CASK: variants seen among roughly 807,000 people sequenced by gnomAD.
The protein encoded by CASK is peripheral plasma membrane protein CASK.
CASK carries 4 observed loss-of-function variants against 82.9 expected under a neutral mutation model. That is an observed-to-expected ratio of 0.05 (90% confidence interval 0.02 to 0.11). The LOEUF is 0.11. Among genes scored for constraint, CASK ranks in the 10% least tolerant of loss-of-function variants. The pLI is 1.00. For missense variants in CASK, 358 were observed against 720.9 expected, an observed-to-expected ratio of 0.50 and a Z score of 5.76; for synonymous variants, 259 against 253.5, an observed-to-expected ratio of 1.02 and a Z score of -0.20.
chrX:41,741,859 A>G (rs373477142), intron 4 of CASK, among the ~76,000 whole-genome samples: 4 of 112,222 alleles, frequency 3.6e-5, no homozygotes, highest in South Asian at 3.7e-4. Flanking sequence ...GAAGCATCAT[A>G]GAGACCTGTG....
At chrX:41,612,311 C>T (rs1236956978) in intron 11 of CASK, among the ~76,000 whole-genome samples, 2 of 110,171 alleles carry the variant, frequency 1.8e-5, no homozygotes, top group Admixed American at 9.5e-5. Flanking sequence ...TCTGCCCCGC[C>T]GCCCCGTCTG....
chrX:41,594,037 A>G (rs1360345777), intron 12 of CASK, among the ~76,000 whole-genome samples: 4 of 111,684 alleles, frequency 3.6e-5, no homozygotes, highest in African/African-American at 1.3e-4. Context: ...CCCACCCCCC[A>G]TTCTATCATA....
At chrX:41,809,854 G>T (rs1004769983) in intron 2 of CASK, among the ~76,000 whole-genome samples, 5 of 111,457 alleles carry the variant, frequency 4.5e-5, no homozygotes, top group Admixed American at 1.9e-4. Flanking sequence ...AAGATGAGAC[G>T]AATGGCTAAC....
intron 21 of CASK, among the ~76,000 whole-genome samples, chrX:41,545,027 G>C (rs1602239754): frequency 9.4e-6 from 1 of 106,892 alleles, no homozygotes; most frequent in African/African-American, 3.4e-5. Flanking sequence ...TAGTACTGCT[G>C]TTTTTTTTTT....
At chrX:41,577,316 T>C (rs1256898320) in intron 15 of CASK, among the ~76,000 whole-genome samples, 1 of 112,079 alleles carries the variant, frequency 8.9e-6, no homozygotes, top group Non-Finnish European at 1.9e-5. Flanking sequence ...TCTTTCCATC[T>C]TGACATCCAT....
chrX:41,840,225 T>G (rs759161336), intron 2 of CASK, among the ~76,000 whole-genome samples: 1 of 112,068 alleles, frequency 8.9e-6, no homozygotes, highest in Non-Finnish European at 1.9e-5. Context: ...GTGGAGTATC[T>G]ATTTATTTAG....
intron 5 of CASK, among the ~76,000 whole-genome samples, chrX:41,679,838 T>C (rs2067321594): frequency 1.8e-5 from 2 of 111,869 alleles, no homozygotes; most frequent in Admixed American, 9.5e-5. Flanking sequence ...GCTTGTCATG[T>C]CCATTTCTTG....
intron 8 of CASK, among the ~76,000 whole-genome samples, chrX:41,655,787 C>A (rs751945130): frequency 9.0e-6 from 1 of 111,518 alleles, no homozygotes; most frequent in South Asian, 3.8e-4. Flanking sequence ...TGGAAGGATG[C>A]CACTCTTGAT....
In CASK at chrX:41,609,953, T is replaced by C; in HGVS notation, c.1106A>G (p.Asp369Gly). The change falls in exon 12 of 27, where the codon GAT (aspartate) becomes GGT (glycine). Residue 369 changes from aspartate to glycine, a missense_variant. Physicochemically the swap from Asp to Gly is moderately conservative, Grantham distance 94. This residue lies in a region of CASK where 110 missense variants were observed against 218.8 expected (regional missense o/e 0.50). Coordinates refer to ENST00000378163, the MANE Select transcript of CASK (RefSeq NM_001367721.1). ...ALTDCSEKDL[D>G]FLHSVFQDQH... ...ATCCTGGAAAACACTGTGTAGAAAA[T>C]CTAGGTCCTTTTCACTGCAGTCTGT... is the stretch of plus-strand genomic sequence containing the variant. 1 of 1,207,403 alleles carries C rather than the reference T, an allele frequency of 8.3e-7. No homozygotes were observed. The highest frequency in any genetic ancestry group is 1.1e-6 in the Non-Finnish European group (1 of 891,564).
intron 2 of CASK, among the ~76,000 whole-genome samples, chrX:41,848,748 C>G (rs1000184283): frequency 3.6e-5 from 4 of 112,032 alleles, no homozygotes; most frequent in Non-Finnish European, 7.5e-5. Flanking sequence ...CATCCCCATT[C>G]AGCCTCCTTT....
intron 11 of CASK, among the ~76,000 whole-genome samples, chrX:41,612,737 G>A (rs1396121294): frequency 1.2e-5 from 1 of 80,709 alleles, no homozygotes; most frequent in African/African-American, 4.6e-5. Context: ...CAGCCACCCC[G>A]TCCGGGAGGG....
chrX:41,636,670 G>A lies in CASK; in HGVS notation c.832-9C>T, dbSNP rs1416743352. On this transcript the variant is annotated splice_polypyrimidine_tract_variant and intron_variant, in intron 8 of 26. Coordinates refer to ENST00000378163, the MANE Select transcript of CASK (RefSeq NM_001367721.1). The stretch of plus-strand genomic sequence containing the variant: ...GCGTAACGATCCCGCTCCTATGTAA[G>A]ATGAAAGATAATGAACATATATAAC... The A allele has an allele frequency of 9.0e-7, 1 of 1,107,107 alleles. No homozygotes were observed. Among genetic ancestry groups the A allele is most frequent in the South Asian group, 1.8e-5 (1 of 54,575 alleles). The allele number at this position is 1,107,107 out of a possible 1,213,427, so 91.2% of individuals were successfully genotyped here. A position where few individuals can be genotyped will look rare whatever the true frequency, so the allele number is the denominator to read the frequency against.
intron 12 of CASK, among the ~76,000 whole-genome samples, chrX:41,609,674 C>T (rs916981266): frequency 7.3e-5 from 8 of 109,176 alleles, no homozygotes; most frequent in Non-Finnish European, 3.8e-5. Context: ...CCTCCGCCTC[C>T]TCAGCTCAGT....
chrX:41,903,886 T>C (rs1341898249), intron 1 of CASK, among the ~76,000 whole-genome samples: 2 of 112,333 alleles, frequency 1.8e-5, no homozygotes, highest in Non-Finnish European at 3.8e-5. Flanking sequence ...TATTGAGATA[T>C]AATTCATACC....
At chrX:41,790,315 C>T in intron 2 of CASK, 1 of 371,838 alleles carries the variant, frequency 2.7e-6, no homozygotes, top group Non-Finnish European at 4.1e-6. Flanking sequence ...GATCCACCCT[C>T]CTCGGCCTCT....
intron 1 of CASK, among the ~76,000 whole-genome samples, chrX:41,876,064 G>T (rs986487055): frequency 9.0e-6 from 1 of 111,618 alleles, no homozygotes; most frequent in African/African-American, 3.3e-5. Context: ...AGGATTATCT[G>T]TTCACATGTC....
chrX:41,840,125 C>T (rs1186965108), intron 2 of CASK, among the ~76,000 whole-genome samples: 5 of 111,893 alleles, frequency 4.5e-5, no homozygotes, highest in Non-Finnish European at 5.6e-5. Context: ...AAAGTAACTT[C>T]CTGAAATTAT....
intron 25 of CASK, among the ~76,000 whole-genome samples, chrX:41,526,874 C>T (rs377559661): frequency 9.0e-6 from 1 of 111,266 alleles, no homozygotes; most frequent in South Asian, 3.8e-4. Context: ...TCTAGTCAGC[C>T]TCATATTTTC....
At chrX:41,715,065 A>G (rs1278243323) in intron 5 of CASK, among the ~76,000 whole-genome samples, 2 of 112,450 alleles carry the variant, frequency 1.8e-5, no homozygotes, top group Non-Finnish European at 3.8e-5. Flanking sequence ...AAGGTGAACA[A>G]TCTTGTTTGG....
Sources: gnomAD v4.1 joint callset for allele counts (sites outside exome capture counted in the v4.1 genomes callset) on GRCh38, gnomAD v4.1.1 for gene constraint, gnomAD v4.1.1 regional missense constraint, MANE v1.5 for transcripts, NCBI Gene and HGNC (gene_info 2026-07-23, HGNC 2026-07-21) for gene names.